EYA1: variants seen among roughly 807,000 people sequenced by gnomAD.
The protein encoded by EYA1 is protein phosphatase EYA1.
In EYA1, 16 loss-of-function variants were observed where a neutral mutation model predicts 82.0. The observed-to-expected ratio is 0.20, with a 90% CI of 0.13 to 0.30. The LOEUF (loss-of-function observed/expected upper bound fraction) is 0.30, where lower values mean the gene tolerates loss of function less well. EYA1 is among the 10% of genes least tolerant of loss of function. The probability of loss-of-function intolerance (pLI) is 1.00; values close to 1 mark genes in which losing one functional copy is unlikely to be tolerated. For missense variants in EYA1, 633 were observed against 730.7 expected (o/e 0.87, Z 1.54); for synonymous variants, 261 against 264.4 (o/e 0.99, Z 0.12).
intron 3 of EYA1, among the ~76,000 whole-genome samples, chr8:71,337,125 A>G (rs901200397): frequency 1.3e-5 from 2 of 152,208 alleles, no homozygotes; most frequent in African/African-American, 4.8e-5. Flanking sequence ...ATTTAAAAAC[A>G]TACACTGAGT....
intron 2 of EYA1, among the ~76,000 whole-genome samples, chr8:71,453,583 T>C (rs1807592073): frequency 6.6e-6 from 1 of 152,142 alleles, no homozygotes; most frequent in Non-Finnish European, 1.5e-5. Flanking sequence ...TGGCAGAAAC[T>C]CTACAAGCCA....
At chr8:71,420,410 A>C (rs950171942) in intron 2 of EYA1, among the ~76,000 whole-genome samples, 1 of 152,216 alleles carries the variant, frequency 6.6e-6, no homozygotes, top group African/African-American at 2.4e-5. Context: ...CATGGAAAAA[A>C]ATTTCACAAT....
rs1809290834 is a variant in EYA1, at chr8:71,216,966, T to C, written c.1198A>G (p.Ser400Gly). 2 of 1,613,492 alleles carry C rather than the reference T, an allele frequency of 1.2e-6. No individual in the cohort carries two copies. The highest frequency in any genetic ancestry group is 2.2e-5 in the East Asian group (1 of 44,880). ...VSSDDNGQDL[S>G]TYNFGTDGFP... ...CACTTCACATTCAAGGGTGCTCACCTTAGGTCCTGTCCGTTATCATCTGAA... is the reference window on the plus strand; with the variant it reads ...CACTTCACATTCAAGGGTGCTCACCCTAGGTCCTGTCCGTTATCATCTGAA... The change falls in exon 13 of 18, where the codon AGC becomes GGC. Residue 400 changes from serine (S) to glycine (G), a missense_variant and splice_region_variant. Ser to Gly is a moderately conservative substitution (Grantham distance 56, BLOSUM62 0). Transcript: ENST00000340726.
chr8:71,236,220 G>C (rs1811815512), intron 12 of EYA1, among the ~76,000 whole-genome samples: 1 of 152,074 alleles, frequency 6.6e-6, no homozygotes, highest in Non-Finnish European at 1.5e-5. Context: ...ATTTTTAGTA[G>C]AGATGGGGTT....
chr8:71,528,548 A>C (rs1031453824), intron 2 of EYA1, among the ~76,000 whole-genome samples: 1 of 152,170 alleles, frequency 6.6e-6, no homozygotes, highest in African/African-American at 2.4e-5. Flanking sequence ...TGCCTGTTCA[A>C]ATGAAAAATT....
chr8:71,534,919 A>C (rs1431914493), intron 2 of EYA1, among the ~76,000 whole-genome samples: 2 of 151,826 alleles, frequency 1.3e-5, no homozygotes, highest in African/African-American at 4.8e-5. Flanking sequence ...AAAAAAAAAA[A>C]AAGAATTCTA....
chr8:71,273,724 A>ACCAT (rs1370101264), intron 9 of EYA1, among the ~76,000 whole-genome samples: 1 of 152,252 alleles, frequency 6.6e-6, no homozygotes, highest in Non-Finnish European at 1.5e-5. Context: ...CAGTACAGTC[A>ACCAT]CCATCTAATT....
chr8:71,277,781 A>G (rs1817372666), intron 9 of EYA1, among the ~76,000 whole-genome samples: 1 of 152,196 alleles, frequency 6.6e-6, no homozygotes, highest in East Asian at 1.9e-4. Flanking sequence ...GATGATTAGA[A>G]AAATGTTTCT....
intron 9 of EYA1, among the ~76,000 whole-genome samples, chr8:71,287,866 T>C (rs1818557184): frequency 6.6e-6 from 1 of 152,228 alleles, no homozygotes. Flanking sequence ...GGGCCTAATA[T>C]GTATCAGTCA....
chr8:71,474,724 T>C (rs1395284156), intron 2 of EYA1, among the ~76,000 whole-genome samples: 1 of 152,168 alleles, frequency 6.6e-6, no homozygotes, highest in Non-Finnish European at 1.5e-5. Context: ...TATATAAAGA[T>C]TATTTATAAT....
chr8:71,335,764 C>T (rs1366303793), intron 3 of EYA1, among the ~76,000 whole-genome samples: 1 of 152,028 alleles, frequency 6.6e-6, no homozygotes, highest in Non-Finnish European at 1.5e-5. Flanking sequence ...AAGTTTCTTA[C>T]TTAGCTGTCC....
intron 11 of EYA1, among the ~76,000 whole-genome samples, chr8:71,254,007 G>T (rs1319166811): frequency 2.6e-5 from 4 of 151,994 alleles, no homozygotes; most frequent in Non-Finnish European, 5.9e-5. Context: ...TTTTCTGGCA[G>T]CAAGGCTACA....
intron 2 of EYA1, among the ~76,000 whole-genome samples, chr8:71,489,989 G>A (rs1402002327): frequency 6.6e-6 from 1 of 152,162 alleles, no homozygotes; most frequent in Non-Finnish European, 1.5e-5. Flanking sequence ...TGAGGACCAA[G>A]GTCCAGGGCC....
intron 3 of EYA1, among the ~76,000 whole-genome samples, chr8:71,344,590 T>C (rs1394640186): frequency 6.6e-6 from 1 of 152,230 alleles, no homozygotes; most frequent in East Asian, 1.9e-4. Flanking sequence ...TTAATTGCCA[T>C]ATCTTTTGTA....
At chr8:71,511,708 A>C (rs1812608347) in intron 2 of EYA1, among the ~76,000 whole-genome samples, 1 of 152,222 alleles carries the variant, frequency 6.6e-6, no homozygotes, top group Non-Finnish European at 1.5e-5. Flanking sequence ...TCCACGCCTT[A>C]TGCTATTGCT....
intron 12 of EYA1, among the ~76,000 whole-genome samples, chr8:71,218,142 T>C (rs1435137587): frequency 6.6e-6 from 1 of 152,182 alleles, no homozygotes; most frequent in Non-Finnish European, 1.5e-5. Context: ...AGTTTAAAAA[T>C]ATTATTAAAA....
At chr8:71,319,124 T>C (rs1328784754) in intron 6 of EYA1, among the ~76,000 whole-genome samples, 3 of 146,532 alleles carry the variant, frequency 2.0e-5, no homozygotes, top group Non-Finnish European at 4.5e-5. Context: ...AAAATACCAA[T>C]AATTCATGTA....
intron 2 of EYA1, among the ~76,000 whole-genome samples, chr8:71,497,926 G>A (rs1195206749): frequency 6.6e-6 from 1 of 152,070 alleles, no homozygotes; most frequent in African/African-American, 2.4e-5. Context: ...GACCCTGGAG[G>A]ACATTAAATT....
At chr8:71,458,347 T>A (rs1808113904) in intron 2 of EYA1, among the ~76,000 whole-genome samples, 1 of 152,118 alleles carries the variant, frequency 6.6e-6, no homozygotes, top group African/African-American at 2.4e-5. Flanking sequence ...GAAACATTCA[T>A]CATTCTTTAT....
Sources: gnomAD v4.1 joint callset for allele counts (sites outside exome capture counted in the v4.1 genomes callset) on GRCh38, gnomAD v4.1.1 for gene constraint, MANE v1.5 for transcripts, NCBI Gene and HGNC (gene_info 2026-07-23, HGNC 2026-07-21) for gene names.